The following ASIC2 variants were observed in gnomAD, a reference collection of about 807,000 sequenced individuals.
ASIC2 encodes the protein acid-sensing ion channel 2.
In ASIC2, 25 loss-of-function variants were observed where a neutral mutation model predicts 57.3. The observed-to-expected ratio is 0.44, with a 90% confidence interval of 0.32 to 0.61. ASIC2 has a LOEUF of 0.61. Among genes scored for constraint, ASIC2 ranks in the 20% least tolerant of loss-of-function variants. The probability of loss-of-function intolerance (pLI) is 0.06; values close to 1 mark genes in which losing one functional copy is unlikely to be tolerated. For missense variants in ASIC2, 641 were observed against 738.1 expected, an observed-to-expected ratio of 0.87 and a Z score of 1.52; for synonymous variants, 319 against 307.5, an observed-to-expected ratio of 1.04 and a Z score of -0.39.
chr17:33,247,264 G>A (rs1908722213), intron 1 of ASIC2, among the ~76,000 whole-genome samples: 1 of 152,080 alleles, frequency 6.6e-6, no homozygotes, highest in Non-Finnish European at 1.5e-5. Context: ...GCAAAGGCAG[G>A]ATTTTAAAAT....
intron 1 of ASIC2, among the ~76,000 whole-genome samples, chr17:33,594,710 C>A (rs190121965): frequency 6.6e-6 from 1 of 152,114 alleles, no homozygotes; most frequent in African/African-American, 2.4e-5. Flanking sequence ...CGCCTGTAGT[C>A]CCAGCTACTC....
intron 1 of ASIC2, among the ~76,000 whole-genome samples, chr17:33,151,204 C>T (rs1392967802): frequency 5.6e-5 from 8 of 143,146 alleles, no homozygotes; most frequent in Admixed American, 3.4e-4. Flanking sequence ...CACACACGCG[C>T]GCACACACAC....
intron 1 of ASIC2, among the ~76,000 whole-genome samples, chr17:33,136,312 C>T (rs993763629): frequency 4.6e-5 from 7 of 152,220 alleles, no homozygotes; most frequent in African/African-American, 1.7e-4. Flanking sequence ...TCAGCTCTTA[C>T]ACTTATGGGT....
At chr17:33,380,144 G>A (rs1008763620) in intron 1 of ASIC2, among the ~76,000 whole-genome samples, 2 of 151,220 alleles carry the variant, frequency 1.3e-5, no homozygotes, top group Non-Finnish European at 2.9e-5. Flanking sequence ...TACTTGGGGG[G>A]CTGAGGCAGT....
intron 1 of ASIC2, among the ~76,000 whole-genome samples, chr17:34,043,218 A>G (rs2142047473): frequency 6.6e-6 from 1 of 152,336 alleles, no homozygotes; most frequent in East Asian, 1.9e-4. Flanking sequence ...TGATTCATTT[A>G]TGGTGGTATC....
At chr17:33,366,267 G>T (rs754116321) in intron 1 of ASIC2, among the ~76,000 whole-genome samples, 7 of 152,204 alleles carry the variant, frequency 4.6e-5, no homozygotes, top group Non-Finnish European at 7.3e-5. Flanking sequence ...TAGTTTTATG[G>T]TTGTATAATT....
At chr17:33,858,367 C>CT (rs1314561160) in intron 1 of ASIC2, among the ~76,000 whole-genome samples, 7 of 152,218 alleles carry the variant, frequency 4.6e-5, no homozygotes, top group Non-Finnish European at 1.0e-4. Flanking sequence ...TGTGGCTGCC[C>CT]TGCAGGGTCC....
At chr17:33,973,277 G>T (rs1450540521) in intron 1 of ASIC2, among the ~76,000 whole-genome samples, 1 of 152,216 alleles carries the variant, frequency 6.6e-6, no homozygotes, top group African/African-American at 2.4e-5. Context: ...CAAGGATTTA[G>T]GATCTAGGGA....
chr17:34,099,346 G>A (rs1389914538), intron 1 of ASIC2, among the ~76,000 whole-genome samples: 1 of 141,926 alleles, frequency 7.0e-6, no homozygotes, highest in Non-Finnish European at 1.5e-5. Context: ...AAGAGAGGGA[G>A]GGAGGAAAGA....
chr17:33,183,925 A>G (rs1412878836), intron 1 of ASIC2, among the ~76,000 whole-genome samples: 1 of 152,210 alleles, frequency 6.6e-6, no homozygotes, highest in Non-Finnish European at 1.5e-5. Flanking sequence ...AAATCTGGGC[A>G]CATCCCTTAA....
At chr17:33,675,752 C>T (rs1000027721) in intron 1 of ASIC2, among the ~76,000 whole-genome samples, 4 of 152,022 alleles carry the variant, frequency 2.6e-5, no homozygotes, top group Non-Finnish European at 5.9e-5. Flanking sequence ...TTGTATTTTT[C>T]GTAGAGACAG....
chr17:33,511,396 T>A (rs562876725), intron 1 of ASIC2, among the ~76,000 whole-genome samples: 30 of 152,160 alleles, frequency 2.0e-4, no homozygotes, highest in African/African-American at 7.2e-4. Flanking sequence ...ACTCAGCATG[T>A]CCCATCTAGA....
At chr17:33,380,338 CATGATG>C (rs775529152) in intron 1 of ASIC2, among the ~76,000 whole-genome samples, 1 of 149,440 alleles carries the variant, frequency 6.7e-6, no homozygotes, top group Non-Finnish European at 1.5e-5. Context: ...TTATCATGTA[CATGATG>C]ATGATGATGA....
chr17:34,128,883 G>A (rs1160607642), intron 1 of ASIC2, among the ~76,000 whole-genome samples: 2 of 152,108 alleles, frequency 1.3e-5, no homozygotes, highest in Non-Finnish European at 2.9e-5. Flanking sequence ...AGATGCCCCA[G>A]CGCCACCATC....
intron 1 of ASIC2, among the ~76,000 whole-genome samples, chr17:33,437,442 T>A (rs969122415): frequency 2.0e-5 from 3 of 152,196 alleles, no homozygotes; most frequent in Non-Finnish European, 2.9e-5. Flanking sequence ...AAGATTTTTT[T>A]AAAACCCACA....
At chr17:33,224,630 C>T (rs755547777) in intron 1 of ASIC2, among the ~76,000 whole-genome samples, 2 of 152,128 alleles carry the variant, frequency 1.3e-5, no homozygotes, top group Non-Finnish European at 2.9e-5. Context: ...CTCCTTTGAG[C>T]CATTTTATCG....
chr17:33,943,110 A>T (rs1265882329), intron 1 of ASIC2, among the ~76,000 whole-genome samples: 1 of 152,276 alleles, frequency 6.6e-6, no homozygotes, highest in South Asian at 2.1e-4. Flanking sequence ...GAATGATCTA[A>T]GATCACACAA....
At chr17:33,340,005 CAG>C (rs1188122526) in intron 1 of ASIC2, among the ~76,000 whole-genome samples, 2 of 152,174 alleles carry the variant, frequency 1.3e-5, no homozygotes, top group Non-Finnish European at 2.9e-5. Context: ...AGGTAACACT[CAG>C]AGTTGCATTC....
chr17:33,205,259 C>T (rs1376586953), intron 1 of ASIC2, among the ~76,000 whole-genome samples: 18 of 152,216 alleles, frequency 1.2e-4, no homozygotes, highest in Admixed American at 1.2e-3. Flanking sequence ...CCCCTTGCAT[C>T]ACCTGATTCT....
Sources: gnomAD v4.1 joint callset for allele counts (sites outside exome capture counted in the v4.1 genomes callset) on GRCh38, gnomAD v4.1.1 for gene constraint, MANE v1.5 for transcripts, NCBI Gene and HGNC (gene_info 2026-07-23, HGNC 2026-07-21) for gene names.